Variants in ZC3H3 observed in about 807,000 individuals in gnomAD.
ZC3H3 encodes the protein zinc finger CCCH-type containing 3.
In ZC3H3, 36 loss-of-function variants were observed where a neutral mutation model predicts 77.3. That is an observed-to-expected ratio of 0.47 (90% CI 0.36 to 0.61). The LOEUF is 0.61. ZC3H3 is among the 20% of genes least tolerant of loss of function. The probability of loss-of-function intolerance (pLI) is 0.00; values close to 1 mark genes in which losing one functional copy is unlikely to be tolerated. For missense variants in ZC3H3, 1,331 were observed against 1,312.2 expected (o/e 1.01, Z -0.22); for synonymous variants, 626 against 555.2 (o/e 1.13, Z -1.79).
intron 5 of ZC3H3, among the ~76,000 whole-genome samples, chr8:143,470,448 G>A (rs1355368764): frequency 4.6e-5 from 7 of 152,316 alleles, no homozygotes; most frequent in East Asian, 3.9e-4. Flanking sequence ...GGCAGCCCCC[G>A]TTCTCAGGCC....
intron 4 of ZC3H3, among the ~76,000 whole-genome samples, chr8:143,505,288 G>T (rs139730384): frequency 2.6e-5 from 4 of 152,232 alleles, no homozygotes; most frequent in Non-Finnish European, 5.9e-5. Context: ...TGGGCCTGCC[G>T]AGGGAGGGCT....
intron 4 of ZC3H3, among the ~76,000 whole-genome samples, chr8:143,479,798 T>TG (rs972697422): frequency 1.2e-4 from 18 of 151,814 alleles, no homozygotes; most frequent in South Asian, 8.4e-4. Context: ...CTCTCCTCCC[T>TG]GGGGGGGGAC....
At chr8:143,514,113 G>A (rs761187675) in intron 3 of ZC3H3, among the ~76,000 whole-genome samples, 28 of 152,308 alleles carry the variant, frequency 1.8e-4, no homozygotes, top group Middle Eastern at 6.8e-3. Context: ...GGCTACACTG[G>A]GGGTGACATG....
chr8:143,459,599 T>G (rs1290494022), intron 9 of ZC3H3, among the ~76,000 whole-genome samples: 1 of 152,068 alleles, frequency 6.6e-6, no homozygotes, highest in African/African-American at 2.4e-5. Context: ...TACTCCCAGA[T>G]GCAAGGATGG....
chr8:143,500,238 G>A (rs1238635709), intron 4 of ZC3H3, among the ~76,000 whole-genome samples: 1 of 152,220 alleles, frequency 6.6e-6, no homozygotes, highest in Non-Finnish European at 1.5e-5. Context: ...CCCACAGAAG[G>A]ACAGCACAGT....
At chr8:143,441,346 C>T (rs1338705233) in intron 9 of ZC3H3, among the ~76,000 whole-genome samples, 1 of 152,194 alleles carries the variant, frequency 6.6e-6, no homozygotes, top group Non-Finnish European at 1.5e-5. Flanking sequence ...CAACTGTAGG[C>T]CCTGGGCACA....
intron 3 of ZC3H3, among the ~76,000 whole-genome samples, chr8:143,516,525 T>C (rs1292681330): frequency 2.9e-5 from 4 of 140,024 alleles, no homozygotes; most frequent in Non-Finnish European, 4.6e-5. Flanking sequence ...AACTTTGCAA[T>C]CACACACACA....
At chr8:143,507,647 C>A in intron 4 of ZC3H3, 99 bp downstream of exon 4, 1 of 1,339,866 alleles carries the variant, frequency 7.5e-7, no homozygotes, top group South Asian at 1.8e-5. Flanking sequence ...GGGATGTGCT[C>A]AGCTCCCCCT....
At position 143,497,866 on chromosome 8, in the gene ZC3H3, C is replaced by T. The variant is rs977321995; in HGVS notation, c.1715+9880G>A. On this transcript the variant is annotated intron_variant, in intron 4 of 11. Transcript: ENST00000262577. ...TCTGCACTCGAACACGCTGTGCCTCCCACAGGGCTTTCTGGGGCTCCCCGG... is the reference window on the plus strand; with the variant it reads ...TCTGCACTCGAACACGCTGTGCCTCTCACAGGGCTTTCTGGGGCTCCCCGG... 3.9e-5 allele frequency among the ~76,000 whole-genome samples: 6 copies of T among 152,326 alleles called. No individual in the cohort carries two copies. The South Asian group carries it at 1.0e-3, about 26-fold the overall frequency.
At chr8:143,465,695 C>T (rs747972531) in intron 9 of ZC3H3, 22 bp downstream of exon 9, 6 of 1,612,112 alleles carry the variant, frequency 3.7e-6, no homozygotes, top group Non-Finnish European at 4.2e-6. Context: ...CCCGCCCACT[C>T]GGGCCCCCAC....
rs538683581 is a variant in ZC3H3 at position 143,525,368 on chromosome 8, G to A, written c.1561+10889C>T. On this transcript the variant is annotated intron_variant, in intron 3 of 11. Coordinates refer to ENST00000262577, the MANE Select transcript of ZC3H3 (RefSeq NM_015117.3). ...GTGGTGCAGGCACGGGCGTGGGCGC[G>A]GTCTCCTCTTCAGGATTCCTGTGGC... Among the ~76,000 whole-genome samples the A allele has an allele frequency of 5.3e-5, 8 of 152,354 alleles. No individual in the cohort carries two copies. In the South Asian group the frequency reaches 8.3e-4, roughly 16 times the overall value.
At chr8:143,504,177 T>C (rs1027882985) in intron 4 of ZC3H3, among the ~76,000 whole-genome samples, 1 of 152,120 alleles carries the variant, frequency 6.6e-6, no homozygotes, top group African/African-American at 2.4e-5. Flanking sequence ...CTAGGGCCAA[T>C]AGCTCAGGGC....
At chr8:143,439,137 C>T (rs1459033983) in intron 11 of ZC3H3, among the ~76,000 whole-genome samples, 8 of 151,846 alleles carry the variant, frequency 5.3e-5, no homozygotes, top group Non-Finnish European at 1.0e-4. Context: ...GTCGCTGCCT[C>T]GGGGCCCCAT....
Position 143,538,609 on chromosome 8 carries a change from G to A in ZC3H3, c.758C>T (p.Ala253Val). 2 of 1,609,676 alleles carry A rather than the reference G, an allele frequency of 1.2e-6. No individual in the cohort carries two copies. Among genetic ancestry groups the A allele is most frequent in the Non-Finnish European group, 1.7e-6 (2 of 1,180,000 alleles). Residue 253 changes from alanine to valine, a missense_variant, in exon 2 of 12, where the codon GCC becomes GTC. This residue lies in a region of ZC3H3 where 978 missense variants were observed against 915.5 expected (regional missense o/e 1.07). Coordinates refer to ENST00000262577, the MANE Select transcript of ZC3H3 (RefSeq NM_015117.3). ...LGRKLGSHSVASCAPQLLGDR... is the reference protein window; with the variant it reads ...LGRKLGSHSVVSCAPQLLGDR... ...CCCAAGGAGCTGTGGAGCACAGCTGGCCACGGAATGAGAACCCAGCTTCCG... is the reference window on the plus strand; with the variant it reads ...CCCAAGGAGCTGTGGAGCACAGCTGACCACGGAATGAGAACCCAGCTTCCG...
At chr8:143,502,847 C>T (rs2130405576) in intron 4 of ZC3H3, among the ~76,000 whole-genome samples, 1 of 152,348 alleles carries the variant, frequency 6.6e-6, no homozygotes, top group Non-Finnish European at 1.5e-5. Flanking sequence ...TGACCTTCTG[C>T]CTCGCACCCC....
intron 9 of ZC3H3, among the ~76,000 whole-genome samples, chr8:143,455,980 A>AC: frequency 6.9e-6 from 1 of 145,838 alleles, no homozygotes; most frequent in South Asian, 2.1e-4. Flanking sequence ...CTCTGTCTCA[A>AC]AAAAAAAAAA....
chr8:143,450,127 C>A (rs2129812936), intron 9 of ZC3H3, among the ~76,000 whole-genome samples: 2 of 152,306 alleles, frequency 1.3e-5, no homozygotes, highest in South Asian at 4.2e-4. Flanking sequence ...TCCTCAGTAC[C>A]AATTTTCTAT....
chr8:143,520,273 C>T (rs959944015), intron 3 of ZC3H3, among the ~76,000 whole-genome samples: 4 of 152,234 alleles, frequency 2.6e-5, no homozygotes, highest in African/African-American at 9.6e-5. Flanking sequence ...CTGATGTCTC[C>T]CGGGAGAGGG....
intron 5 of ZC3H3, among the ~76,000 whole-genome samples, chr8:143,474,060 G>A (rs1176889107): frequency 6.6e-6 from 1 of 152,166 alleles, no homozygotes; most frequent in Non-Finnish European, 1.5e-5. Context: ...ATCCCCCAGG[G>A]GCAAAGCCTC....
Sources: allele counts gnomAD v4.1 joint callset (sites outside exome capture counted in the v4.1 genomes callset), GRCh38; gene constraint gnomAD v4.1.1; regional missense constraint gnomAD v4.1.1; transcripts MANE v1.5; gene names NCBI Gene and HGNC (gene_info 2026-07-23, HGNC 2026-07-21).